SMCHD1: variants seen among roughly 807,000 people sequenced by gnomAD.
The protein encoded by SMCHD1 is structural maintenance of chromosomes flexible hinge domain containing 1, also known as structural maintenance of chromosomes flexible hinge domain-containing protein 1.
Under a neutral mutation model 254.7 loss-of-function variants are expected in SMCHD1, and 78 were observed. That is an observed-to-expected ratio of 0.31 (90% CI 0.26 to 0.37). The LOEUF is 0.37. Ranked by LOEUF, SMCHD1 falls within the 10% of genes least tolerant of loss-of-function variation. SMCHD1 has a pLI of 1.00. For synonymous variants in SMCHD1, 766 were observed against 794.9 expected, an observed-to-expected ratio of 0.96 and a Z score of 0.61; for missense variants, 1,840 against 2,408.1, an observed-to-expected ratio of 0.76 and a Z score of 4.94.
chr18:2,759,239 T>G (rs1366967334), intron 34 of SMCHD1, among the ~76,000 whole-genome samples: 1 of 152,154 alleles, frequency 6.6e-6, no homozygotes, highest in East Asian at 1.9e-4. Context: ...GTGTGTTACA[T>G]TTGCTTCTGT....
At chr18:2,734,375 A>G (rs1442626582) in intron 25 of SMCHD1, among the ~76,000 whole-genome samples, 1 of 152,086 alleles carries the variant, frequency 6.6e-6, no homozygotes, top group Non-Finnish European at 1.5e-5. Context: ...TACCTTCTCT[A>G]AGGTTGTTGC....
At chr18:2,677,968 G>A (rs141283254) in intron 5 of SMCHD1, among the ~76,000 whole-genome samples, 1 of 152,252 alleles carries the variant, frequency 6.6e-6, no homozygotes, top group Admixed American at 6.5e-5. Flanking sequence ...ATTACAACCA[G>A]CATCTTAATT....
intron 17 of SMCHD1, among the ~76,000 whole-genome samples, chr18:2,714,834 G>T (rs376996323): frequency 6.6e-6 from 1 of 152,124 alleles, no homozygotes. Flanking sequence ...CAAGATTTGT[G>T]GTTGACAGTC....
intron 1 of SMCHD1, among the ~76,000 whole-genome samples, chr18:2,657,988 T>C (rs1160299058): frequency 3.9e-5 from 6 of 152,088 alleles, no homozygotes; most frequent in African/African-American, 1.4e-4. Flanking sequence ...TACGGGGGTT[T>C]GGCTGTGTTG....
chr18:2,669,998 T>C (rs1219926892), intron 3 of SMCHD1, among the ~76,000 whole-genome samples: 1 of 152,206 alleles, frequency 6.6e-6, no homozygotes, highest in Non-Finnish European at 1.5e-5. Flanking sequence ...TACCACCTGG[T>C]CTGGAGGCAC....
At chr18:2,685,036 G>A (rs772083700) in intron 5 of SMCHD1, among the ~76,000 whole-genome samples, 12 of 147,276 alleles carry the variant, frequency 8.1e-5, no homozygotes, top group Non-Finnish European at 1.6e-4. Flanking sequence ...GACATTTCTT[G>A]CTAAACTATA....
chr18:2,715,940 T>C (rs1475303241), intron 17 of SMCHD1, among the ~76,000 whole-genome samples: 5 of 152,246 alleles, frequency 3.3e-5, no homozygotes, highest in Non-Finnish European at 7.3e-5. Flanking sequence ...AGAATTACCA[T>C]GTTGCTTTGG....
chr18:2,800,718 C>T (rs1304341474), intron 47 of SMCHD1: 2 of 152,090 alleles, frequency 1.3e-5, no homozygotes, highest in African/African-American at 4.8e-5. Context: ...CCATCAAGTC[C>T]CACTCGGAGA....
chr18:2,662,730 A>G (rs1400615024), intron 1 of SMCHD1, among the ~76,000 whole-genome samples: 1 of 151,918 alleles, frequency 6.6e-6, no homozygotes, highest in Non-Finnish European at 1.5e-5. Flanking sequence ...TGAATTAAAA[A>G]ATACACGACT....
Position 2,672,503 on chromosome 18 carries a change from C to A in SMCHD1, c.425-778C>A, listed in dbSNP as rs9961845. On this transcript the variant is annotated intron_variant, in intron 3 of 47. Transcript: ENST00000320876. ...TCGGCCTCCCAAAGTGTTGAGATTA[C>A]AGGCGTGAGCCCACATCCAGCGTGA... Among the ~76,000 whole-genome samples the A allele has an allele frequency of 5.6e-3, 854 of 152,352 alleles. 5 individuals are homozygous for A. The highest frequency in any genetic ancestry group is 0.02 in the African/African-American group (815 of 41,584).
chr18:2,753,067 T>C, intron 34 of SMCHD1: 1 of 160,722 alleles, frequency 6.2e-6, no homozygotes, highest in Non-Finnish European at 1.3e-5. Flanking sequence ...CCTCTTCCAG[T>C]TATTACCGTC....
intron 19 of SMCHD1, among the ~76,000 whole-genome samples, chr18:2,720,605 T>G (rs1416794914): frequency 6.6e-6 from 1 of 152,190 alleles, no homozygotes; most frequent in Non-Finnish European, 1.5e-5. Context: ...GAGTGGAGCC[T>G]TTCAGTCACC....
At chr18:2,689,888 G>A (rs2074136832) in intron 7 of SMCHD1, among the ~76,000 whole-genome samples, 1 of 149,784 alleles carries the variant, frequency 6.7e-6, no homozygotes, top group Non-Finnish European at 1.5e-5. Context: ...GCCGGGTGTG[G>A]TGGTGTGCGC....
chr18:2,671,583 ATCTTT>A (rs993774696), intron 3 of SMCHD1, among the ~76,000 whole-genome samples: 6 of 141,432 alleles, frequency 4.2e-5, no homozygotes, highest in Non-Finnish European at 6.1e-5. Context: ...AGTTATGTTG[ATCTTT>A]TCTTTTCTTT....
In SMCHD1 at chr18:2,760,969, G is replaced by A. The variant is rs1034228901; in HGVS notation, c.4434+230G>A. On this transcript the variant is annotated intron_variant, in intron 35 of 47. Transcript: ENST00000320876. ...TTCAATAATTTGACCTGTTACAGGAGTCACATTTCCATTTCTCTTTATATC... is the reference window on the plus strand; with the variant it reads ...TTCAATAATTTGACCTGTTACAGGAATCACATTTCCATTTCTCTTTATATC... Among the ~76,000 whole-genome samples, 4 of 152,214 alleles carry A rather than the reference G, an allele frequency of 2.6e-5. No homozygotes were observed. In the East Asian group the frequency reaches 7.7e-4, roughly 29 times the overall value.
At chr18:2,708,111 T>C (rs189861967) in intron 17 of SMCHD1, among the ~76,000 whole-genome samples, 191 bp downstream of exon 17, 362 of 152,270 alleles carry the variant, frequency 2.4e-3, no homozygotes, top group Middle Eastern at 0.017. Flanking sequence ...TTTTAAAAAA[T>C]ACTTCATCTT....
rs185550912 is a variant in SMCHD1, at chr18:2,660,545, C to T, written c.186+4284C>T. Among the ~76,000 whole-genome samples the T allele has an allele frequency of 4.2e-3, 604 of 142,750 alleles. 4 individuals carry two copies. The highest frequency in any genetic ancestry group is 0.016 in the African/African-American group (583 of 37,032). 93.6% of individuals were successfully genotyped at this position (142,750 alleles called of 152,430 possible). On this transcript the variant is annotated intron_variant, in intron 1 of 47. Transcript: ENST00000320876. ...CTGGAGTGCAGTGGCGCAATCTTGG[C>T]TCACTGCAACCTCCGCCTCCCAAGT...
At chr18:2,713,119 G>C (rs72862998) in intron 17 of SMCHD1, among the ~76,000 whole-genome samples, 1 of 152,184 alleles carries the variant, frequency 6.6e-6, no homozygotes, top group Non-Finnish European at 1.5e-5. Flanking sequence ...TTATGATTAC[G>C]TAAGTCTGTT....
Position 2,718,535 on chromosome 18 carries a change from G to C in SMCHD1, c.2458+101G>C. 1.0e-6 allele frequency: 1 copy of C among 1,001,756 alleles called. No homozygotes were observed. The allele number at this position is 1,001,756 out of a possible 1,614,324, so 62.1% of individuals were successfully genotyped here. A position where few individuals can be genotyped will look rare whatever the true frequency, so the allele number is the denominator to read the frequency against. On this transcript the variant is annotated intron_variant, in intron 19 of 47. Transcript: ENST00000320876. The surrounding 1 kb of genome is among the most constrained non-coding windows in gnomAD (Gnocchi z 4.6). ...CATTAAAAGATGTTTGAACAATTGGGTAACCATCTCGATTTTATTTTATTT... is the reference window on the plus strand; with the variant it reads ...CATTAAAAGATGTTTGAACAATTGGCTAACCATCTCGATTTTATTTTATTT...
Sources: allele counts gnomAD v4.1 joint callset (sites outside exome capture counted in the v4.1 genomes callset), GRCh38; gene constraint gnomAD v4.1.1; non-coding constraint Gnocchi (gnomAD v3.1); transcripts MANE v1.5; gene names NCBI Gene and HGNC (gene_info 2026-07-23, HGNC 2026-07-21).